TRABD2A: variants seen among roughly 807,000 people sequenced by gnomAD.
TRABD2A encodes the protein metalloprotease TIKI1.
A neutral mutation model predicts 45.6 loss-of-function variants in TRABD2A; 43 were observed. The ratio of observed to expected loss-of-function variants is 0.94; its 90% CI spans 0.74 to 1.22. The LOEUF (loss-of-function observed/expected upper bound fraction) is 1.22, where lower values mean the gene tolerates loss of function less well. TRABD2A is among the 50% of genes most tolerant of loss of function. TRABD2A has a pLI of 0.00. For missense variants in TRABD2A, 642 were observed against 652.4 expected (o/e 0.98, Z 0.17); for synonymous variants, 269 against 265.0 (o/e 1.02, Z -0.15).
intron 1 of TRABD2A, among the ~76,000 whole-genome samples, chr2:84,872,123 T>C (rs1682886724): frequency 6.6e-6 from 1 of 152,194 alleles, no homozygotes. Context: ...AGTGCAGTGC[T>C]CAAGGAATTA....
intron 2 of TRABD2A, among the ~76,000 whole-genome samples, chr2:84,858,237 A>T (rs150747111): frequency 2.0e-3 from 304 of 152,030 alleles, no homozygotes; most frequent in African/African-American, 6.9e-3. Context: ...AACACACCTG[A>T]GTTTCCCAGC....
intron 2 of TRABD2A, among the ~76,000 whole-genome samples, chr2:84,856,105 T>C (rs1682293948): frequency 6.6e-6 from 1 of 152,142 alleles, no homozygotes; most frequent in Non-Finnish European, 1.5e-5. Context: ...TTATCTTAGT[T>C]CACTTTTGAG....
At chr2:84,873,101 C>T (rs1193936728) in intron 1 of TRABD2A, among the ~76,000 whole-genome samples, 6 of 129,000 alleles carry the variant, frequency 4.7e-5, no homozygotes, top group Admixed American at 3.5e-4. Flanking sequence ...GGGGACAGAG[C>T]GAGACTTCAT....
At chr2:84,833,539 A>G (rs1365319275) in intron 4 of TRABD2A, 4 of 152,134 alleles carry the variant, frequency 2.6e-5, no homozygotes, top group African/African-American at 9.7e-5. Flanking sequence ...GCTTGATTTT[A>G]AAACTCCAGT....
intron 2 of TRABD2A, among the ~76,000 whole-genome samples, chr2:84,866,537 C>T (rs913145067): frequency 2.0e-5 from 3 of 152,102 alleles, no homozygotes; most frequent in Non-Finnish European, 4.4e-5. Flanking sequence ...AAACAATTTC[C>T]CTTTGCAAAA....
intron 3 of TRABD2A, among the ~76,000 whole-genome samples, chr2:84,839,869 T>C (rs1057271127): frequency 4.6e-5 from 7 of 152,256 alleles, no homozygotes; most frequent in African/African-American, 1.4e-4. Context: ...GATTCTGGTA[T>C]ACATGTTAGC....
chr2:84,840,700 T>TC lies in TRABD2A; in HGVS notation c.816+1160dup, dbSNP rs547422504. On this transcript the variant is annotated intron_variant, in intron 3 of 6. Coordinates refer to ENST00000409520, the MANE Select transcript of TRABD2A (RefSeq NM_001277053.2). Reference sequence around the variant, plus strand: ...ATTTCCCAATTGATCTTGACTTTTCTCCCCCCTTCCCTACCCTCAGCAAGA... The same window carrying TC: ...ATTTCCCAATTGATCTTGACTTTTCTCCCCCCCTTCCCTACCCTCAGCAAGA... Among the ~76,000 whole-genome samples, 51 of 152,190 alleles carry TC rather than the reference T, an allele frequency of 3.4e-4. No individual in the cohort carries two copies. The East Asian group carries it at 8.3e-3, about 25-fold the overall frequency.
intron 5 of TRABD2A, among the ~76,000 whole-genome samples, chr2:84,825,356 T>C (rs541980072): frequency 2.9e-4 from 44 of 152,076 alleles, no homozygotes; most frequent in African/African-American, 1.1e-3. Context: ...GGAGGAGGTA[T>C]ACAAGAAGGA....
At chr2:84,843,347 A>G (rs1208230451) in intron 2 of TRABD2A, among the ~76,000 whole-genome samples, 3 of 152,190 alleles carry the variant, frequency 2.0e-5, no homozygotes, top group Non-Finnish European at 1.5e-5. Context: ...ACAACGCATT[A>G]GAGGTCTTAA....
chr2:84,834,767 C>G (rs751467573), intron 4 of TRABD2A: 3 of 152,084 alleles, frequency 2.0e-5, no homozygotes, highest in African/African-American at 4.8e-5. Context: ...GTGTATATAT[C>G]ACCTTTTATT....
chr2:84,842,343 TG>T (rs1299148840), intron 2 of TRABD2A, among the ~76,000 whole-genome samples: 5 of 152,186 alleles, frequency 3.3e-5, no homozygotes, highest in Non-Finnish European at 7.3e-5. Context: ...GCGAGAGGGC[TG>T]GGGACTCACA....
chr2:84,874,849 G>A (rs192423340), intron 1 of TRABD2A: 13 of 186,942 alleles, frequency 7.0e-5, no homozygotes, highest in Middle Eastern at 2.5e-3. Flanking sequence ...TTCTGCCCTC[G>A]AAGCCTTCAA....
intron 6 of TRABD2A, among the ~76,000 whole-genome samples, chr2:84,823,143 A>G (rs1031787405): frequency 9.2e-5 from 14 of 152,196 alleles, no homozygotes; most frequent in African/African-American, 3.4e-4. Flanking sequence ...ACTCAGTATA[A>G]GCCAAAAGGA....
At chr2:84,832,235 C>T in intron 4 of TRABD2A, 90 bp from the exon 5 acceptor site, 3 of 1,321,802 alleles carry the variant, frequency 2.3e-6, no homozygotes, top group Non-Finnish European at 3.2e-6. Flanking sequence ...AAGAAATTAC[C>T]CTGCCAAGCC....
At chr2:84,828,238 C>T (rs559343942) in intron 5 of TRABD2A, among the ~76,000 whole-genome samples, 1 of 152,256 alleles carries the variant, frequency 6.6e-6, no homozygotes, top group East Asian at 1.9e-4. Context: ...GCCCTCCCCA[C>T]ACACCAACAT....
At chr2:84,831,933 G>A (rs756254436) in intron 5 of TRABD2A, 122 bp downstream of exon 5, 114 of 927,052 alleles carry the variant, frequency 1.2e-4, no homozygotes, top group Non-Finnish European at 1.8e-4. Flanking sequence ...AAGGTCAAGT[G>A]TGGGGGAAAT....
At chr2:84,840,218 C>T (rs147083879) in intron 3 of TRABD2A, among the ~76,000 whole-genome samples, 1 of 152,186 alleles carries the variant, frequency 6.6e-6, no homozygotes, top group African/African-American at 2.4e-5. Flanking sequence ...TCTCCTTTTG[C>T]GACGGCCTCG....
intron 2 of TRABD2A, chr2:84,843,593 A>C (rs1309245690): frequency 1.3e-5 from 2 of 152,584 alleles, no homozygotes; most frequent in African/African-American, 2.4e-5. Context: ...GGGAAGTCCG[A>C]GATCAAGGCA....
rs1387753572 is a variant in TRABD2A, at chr2:84,841,952, C to T, written c.725G>A (p.Ser242Asn). The stretch of plus-strand genomic sequence containing the variant: ...CTCCGTCGTGTAGGGGATCTGAAGA[C>T]TGCCTGCTCGCAGGCTTTCCTGCTG... ...LLQQESLRAGSLQIPYTTEDL... is the reference protein window; with the variant it reads ...LLQQESLRAGNLQIPYTTEDL... Residue 242 changes from serine (S) to asparagine (N), a missense_variant, in exon 3 of 7, where the codon AGT becomes AAT. Transcript: ENST00000409520. The T allele has an allele frequency of 9.7e-6, 15 of 1,544,350 alleles. No homozygotes were observed. Among genetic ancestry groups the T allele is most frequent in the Non-Finnish European group, 1.1e-5 (13 of 1,144,454 alleles).
Sources: allele counts gnomAD v4.1 joint callset (sites outside exome capture counted in the v4.1 genomes callset), GRCh38; gene constraint gnomAD v4.1.1; transcripts MANE v1.5; gene names NCBI Gene and HGNC (gene_info 2026-07-23, HGNC 2026-07-21).